CACNA1H: variants seen among roughly 807,000 people sequenced by gnomAD.
CACNA1H encodes voltage-dependent T-type calcium channel subunit alpha-1H.
CACNA1H carries 149 observed loss-of-function variants against 192.5 expected under a neutral mutation model. The ratio of observed to expected loss-of-function variants is 0.77; its 90% CI spans 0.68 to 0.89. The LOEUF (loss-of-function observed/expected upper bound fraction) is 0.89, where lower values mean the gene tolerates loss of function less well. Ranked by LOEUF, CACNA1H falls within the 40% of genes least tolerant of loss-of-function variation. The pLI is 0.00. For synonymous variants in CACNA1H, 2,202 were observed against 1,475.2 expected (o/e 1.49, Z -11.29); for missense variants, 4,257 against 3,423.5 (o/e 1.24, Z -6.08).
chr16:1,220,547 G>C lies in CACNA1H; in HGVS notation c.6615G>C (p.Arg2205=). ...CTGCGGAGGACGAGGGCTCTGCGCG[G>C]CCCTCCGCGGCAGAGGGCGGCAGCA... ...EPPAEDEGSA[R]PSAAEGGSTT... Residue 2205 remains arginine (R), a synonymous_variant, in exon 35 of 35, where the codon CGG becomes CGC. Transcript: ENST00000348261. 6.5e-7 allele frequency: 1 copy of C among 1,531,344 alleles called. No homozygotes were observed. The highest frequency in any genetic ancestry group is 1.3e-5 in the South Asian group (1 of 76,678). The allele number at this position is 1,531,344 out of a possible 1,614,324, so 94.9% of individuals were successfully genotyped here. A position where few individuals can be genotyped will look rare whatever the true frequency, so the allele number is the denominator to read the frequency against.
intron 34 of CACNA1H, among the ~76,000 whole-genome samples, chr16:1,219,666 G>A (rs923552620): frequency 1.3e-5 from 2 of 152,238 alleles, no homozygotes; most frequent in African/African-American, 2.4e-5. Context: ...CCCATCCTGG[G>A]GGTGCCCAGC....
At chr16:1,202,663 C>T (rs1378136974) in intron 9 of CACNA1H, among the ~76,000 whole-genome samples, 1 of 152,116 alleles carries the variant, frequency 6.6e-6, no homozygotes, top group South Asian at 2.1e-4. Flanking sequence ...CCCGGTGGCC[C>T]ACAGCTCATG....
At chr16:1,157,076 G>A (rs752292597) in intron 2 of CACNA1H, 10 of 152,346 alleles carry the variant, frequency 6.6e-5, no homozygotes, top group East Asian at 1.9e-4. Flanking sequence ...CCGGACTCCC[G>A]GGGTTCCTGA....
chr16:1,158,176 T>A (rs1962681555), intron 2 of CACNA1H, among the ~76,000 whole-genome samples: 1 of 152,080 alleles, frequency 6.6e-6, no homozygotes, highest in Admixed American at 6.5e-5. Flanking sequence ...CCTGGGCTAG[T>A]ACAGGGTGGG....
intron 31 of CACNA1H, 57 bp downstream of exon 31, chr16:1,217,067 G>C (rs953255867): frequency 7.0e-7 from 1 of 1,437,092 alleles, no homozygotes; most frequent in African/African-American, 1.4e-5. Flanking sequence ...AGGCGCCCCT[G>C]TGCCCATCCA....
chr16:1,170,654 C>T (rs1233900640), intron 2 of CACNA1H, among the ~76,000 whole-genome samples: 4 of 152,106 alleles, frequency 2.6e-5, no homozygotes, highest in Admixed American at 6.5e-5. Context: ...TCATGCCGAC[C>T]GAGTTTGTGG....
At chr16:1,161,912 G>A (rs1963242256) in intron 2 of CACNA1H, among the ~76,000 whole-genome samples, 1 of 152,178 alleles carries the variant, frequency 6.6e-6, no homozygotes, top group South Asian at 2.1e-4. Context: ...GGAGCTGCAG[G>A]CAAGGCTCGG....
chr16:1,186,596 A>G (rs1295667317), intron 2 of CACNA1H, among the ~76,000 whole-genome samples: 1 of 151,884 alleles, frequency 6.6e-6, no homozygotes, highest in Admixed American at 6.6e-5. Flanking sequence ...GCCCCTCGAG[A>G]TGGCCTGCAC....
rs1965397523 is a variant in CACNA1H at position 1,180,870 on chromosome 16, G to A, written c.300-14102G>A. 6.6e-6 allele frequency among the ~76,000 whole-genome samples: 1 copy of A among 152,204 alleles called. No homozygotes were observed. Among genetic ancestry groups the A allele is most frequent in the Non-Finnish European group, 1.5e-5 (1 of 68,016 alleles). ...GGGCCAGCACCCGACCTGGCCGCCA[G>A]CGTGCTGAGGACAGACCTGCTGGGC... is the stretch of plus-strand genomic sequence containing the variant. On this transcript the variant is annotated intron_variant, in intron 2 of 34. Coordinates refer to ENST00000348261, the MANE Select transcript of CACNA1H (RefSeq NM_021098.3). This position sits in a 1 kb window ranked among gnomAD's most constrained non-coding sequence, Gnocchi z 4.4.
rs1360586308 is a variant in CACNA1H, at chr16:1,207,367, C to T, written c.3000C>T (p.Thr1000=). ...CCCTCTACTTCGTGGCCCTCATGAC[C>T]TTCGGCAACTATGTGCTCTTCAACC... ...WAALYFVALM[T]FGNYVLFNLL... is the part of the protein sequence containing the mutation. Residue 1000 remains threonine, a synonymous_variant, in exon 14 of 35, where the codon ACC becomes ACT. Coordinates refer to ENST00000348261, the MANE Select transcript of CACNA1H (RefSeq NM_021098.3). 4.3e-6 allele frequency: 7 copies of T among 1,613,256 alleles called. No individual in the cohort carries two copies. The highest frequency in any genetic ancestry group is 3.3e-5 in the South Asian group (3 of 91,046).
rs368314185 is a variant in CACNA1H, at chr16:1,160,525, G to A, written c.299+6489G>A. ...GCAGCAGGTCTGGGCACCGTCCCCAGAGCACTGTGCCCGCCGAGGATGACA... is the reference window on the plus strand; with the variant it reads ...GCAGCAGGTCTGGGCACCGTCCCCAAAGCACTGTGCCCGCCGAGGATGACA... On this transcript the variant is annotated intron_variant, in intron 2 of 34. Coordinates refer to ENST00000348261, the MANE Select transcript of CACNA1H (RefSeq NM_021098.3). Among the ~76,000 whole-genome samples the A allele has an allele frequency of 5.3e-5, 8 of 152,322 alleles. No individual in the cohort carries two copies. The South Asian group carries it at 1.7e-3, about 32-fold the overall frequency.
rs780175536 is a variant in CACNA1H, at chr16:1,215,129, TG to T, written c.5039+53del. 4 of 1,583,304 alleles carry T rather than the reference TG, an allele frequency of 2.5e-6. No homozygotes were observed. The African/African-American group carries it at 5.4e-5, about 21-fold the overall frequency. On this transcript the variant is annotated intron_variant, in intron 28 of 34. Transcript: ENST00000348261. ...GGGTTCTGGGGGCCCCTCAGGGCTC[TG>T]GGGGCTGGGGGCAGGTGAGGCCGCA...
intron 2 of CACNA1H, among the ~76,000 whole-genome samples, chr16:1,194,369 G>A (rs113428097): frequency 5.9e-5 from 9 of 152,304 alleles, no homozygotes; most frequent in African/African-American, 1.7e-4. Context: ...GTCAGCTGAC[G>A]GATTGCCTCT....
In CACNA1H at chr16:1,220,012, A is replaced by C. The variant is rs1354698434; in HGVS notation, c.6080A>C (p.Lys2027Thr). 4.2e-5 allele frequency: 57 copies of C among 1,356,164 alleles called. No individual in the cohort carries two copies. The highest frequency in any genetic ancestry group is 5.2e-5 in the Non-Finnish European group (55 of 1,050,750). 84.0% of individuals were successfully genotyped at this position (1,356,164 alleles called of 1,614,324 possible). A position where few individuals can be genotyped will look rare whatever the true frequency, so the allele number is the denominator to read the frequency against. ...EAVHTDSLEG[K>T]IDSPRDTLDP... The stretch of plus-strand genomic sequence containing the variant: ...GTGCACACCGATTCCTTGGAAGGGA[A>C]GATTGACAGCCCTAGGGACACCCTG... Residue 2027 changes from lysine (K) to threonine (T), a missense_variant, in exon 35 of 35, where the codon AAG (lysine) becomes ACG (threonine). By Grantham distance (78) the Lys-to-Thr change is moderately conservative (BLOSUM62 -1). Coordinates refer to ENST00000348261, the MANE Select transcript of CACNA1H (RefSeq NM_021098.3).
intron 30 of CACNA1H, 86 bp from the exon 31 acceptor site, chr16:1,216,846 G>A: frequency 1.8e-6 from 2 of 1,084,634 alleles, no homozygotes; most frequent in Non-Finnish European, 2.8e-6. Context: ...GTGGGGTCTG[G>A]TGGCCGAGGC....
chr16:1,195,802 G>A (rs1966894373), intron 4 of CACNA1H, 124 bp from the exon 5 acceptor site: 7 of 926,054 alleles, frequency 7.6e-6, no homozygotes, highest in East Asian at 5.0e-5. Context: ...TTCCTGGCCA[G>A]TACAAGGTCC....
intron 14 of CACNA1H, 100 bp from the exon 15 acceptor site, chr16:1,207,670 T>G: frequency 8.8e-7 from 1 of 1,135,462 alleles, no homozygotes; most frequent in Non-Finnish European, 1.3e-6. Flanking sequence ...GGCCCTTCTG[T>G]CCACACCCCA....
intron 2 of CACNA1H, among the ~76,000 whole-genome samples, chr16:1,155,067 G>A (rs1247755639): frequency 6.6e-6 from 1 of 152,230 alleles, no homozygotes; most frequent in East Asian, 1.9e-4. Flanking sequence ...AGCGGCCTGT[G>A]TACACTTCCC....
chr16:1,167,828 G>C lies in CACNA1H; in HGVS notation c.299+13792G>C, dbSNP rs562414283. Among the ~76,000 whole-genome samples the C allele has an allele frequency of 1.3e-5, 2 of 152,338 alleles. No homozygotes were observed. Among genetic ancestry groups the C allele is most frequent in the East Asian group, 3.9e-4 (2 of 5,176 alleles). On this transcript the variant is annotated intron_variant, in intron 2 of 34. Coordinates refer to ENST00000348261, the MANE Select transcript of CACNA1H (RefSeq NM_021098.3). This position sits in a 1 kb window ranked among gnomAD's most constrained non-coding sequence, Gnocchi z 4.2. ...GTGTGTGCTTAGAAAGTGCACCTGC[G>C]AGGTTGGGGCGTGGCCTGGCCGTCC...
Sources: gnomAD v4.1 joint callset for allele counts (sites outside exome capture counted in the v4.1 genomes callset) on GRCh38, gnomAD v4.1.1 for gene constraint, Gnocchi (gnomAD v3.1) non-coding constraint, MANE v1.5 for transcripts, NCBI Gene and HGNC (gene_info 2026-07-23, HGNC 2026-07-21) for gene names.